TULP4: variants seen among roughly 807,000 people sequenced by gnomAD.
TULP4 encodes the protein TUB like protein 4, also known as tubby-related protein 4.
A neutral mutation model predicts 129.0 loss-of-function variants in TULP4; 16 were observed. The ratio of observed to expected loss-of-function variants is 0.12; its 90% CI spans 0.08 to 0.19. The LOEUF (loss-of-function observed/expected upper bound fraction) is 0.19. Ranked by LOEUF, TULP4 falls within the 10% of genes least tolerant of loss-of-function variation. The pLI is 1.00. For synonymous variants in TULP4, 998 were observed against 854.0 expected (o/e 1.17, Z -2.94); for missense variants, 1,842 against 2,059.1 (o/e 0.89, Z 2.04).
chr6:158,347,839 T>G (rs940671639), intron 1 of TULP4, among the ~76,000 whole-genome samples: 1 of 152,224 alleles, frequency 6.6e-6, no homozygotes, highest in South Asian at 2.1e-4. Context: ...GATTTTTTTT[T>G]CTGAAATAAC....
At chr6:158,412,283 C>A (rs983983728) in intron 1 of TULP4, among the ~76,000 whole-genome samples, 10 of 152,164 alleles carry the variant, frequency 6.6e-5, no homozygotes, top group African/African-American at 2.2e-4. Flanking sequence ...TGAGCCCTGC[C>A]GTGTTGGTTT....
Position 158,461,723 on chromosome 6 carries a change from C to A in TULP4, c.1020C>A (p.Leu340=), listed in dbSNP as rs147584372. Residue 340 remains leucine, a synonymous_variant, in exon 6 of 14, where the codon CTC becomes CTA. Coordinates refer to ENST00000367097, the MANE Select transcript of TULP4 (RefSeq NM_020245.5). The stretch of plus-strand genomic sequence containing the variant: ...AGCACATCTTCACACTGGACACTCT[C>A]GTGCAGGTAAGGATGTTCTCTGGAA... ...RGEHIFTLDT[L]VQRPIISICW... is the part of the protein sequence containing the mutation. 1 of 1,613,884 alleles carries A rather than the reference C, an allele frequency of 6.2e-7. No individual in the cohort carries two copies. The highest frequency in any genetic ancestry group is 1.1e-5 in the South Asian group (1 of 91,012).
intron 1 of TULP4, among the ~76,000 whole-genome samples, chr6:158,319,203 C>G (rs548174370): frequency 8.5e-4 from 129 of 152,244 alleles, no homozygotes; most frequent in African/African-American, 2.8e-3. Context: ...CTGCCCAGAC[C>G]TGTGGGTGGC....
At chr6:158,252,478 C>T (rs1392449915) in intron 1 of TULP4, among the ~76,000 whole-genome samples, 3 of 152,056 alleles carry the variant, frequency 2.0e-5, no homozygotes, top group Admixed American at 6.6e-5. Flanking sequence ...TGGGTTCAAG[C>T]GATTCTCCTG....
rs762684227 is a variant in TULP4 at position 158,461,617 on chromosome 6, A to T, written c.914A>T (p.Glu305Val). The T allele has an allele frequency of 3.7e-6, 6 of 1,613,914 alleles. No individual in the cohort carries two copies. The highest frequency in any genetic ancestry group is 5.1e-6 in the Non-Finnish European group (6 of 1,179,976). ...QGDLLAVAGM[E>V]RQTQLGELPN... ...GACTTGCTGGCAGTCGCTGGGATGG[A>T]ACGGCAGACCCAGCTTGGTGAGCTT... Residue 305 changes from glutamate to valine, a missense_variant, in exon 6 of 14, where the codon GAA (glutamate) becomes GTA (valine). Physicochemically the swap from Glu to Val is moderately radical, Grantham distance 121 (BLOSUM62 -2). This residue lies in a region of TULP4 where 456 missense variants were observed against 534.3 expected (regional missense o/e 0.85). Coordinates refer to ENST00000367097, the MANE Select transcript of TULP4 (RefSeq NM_020245.5).
Position 158,477,272 on chromosome 6 carries a change from A to G in TULP4, c.1027-2479A>G, listed in dbSNP as rs16900829. ...CAACTGTTATACAGAGATAGTTACT[A>G]TGAAAAGCAGAACTAGGAGGGAGGA... On this transcript the variant is annotated intron_variant, in intron 6 of 13. Coordinates refer to ENST00000367097, the MANE Select transcript of TULP4 (RefSeq NM_020245.5). Among the ~76,000 whole-genome samples the G allele has an allele frequency of 0.018, 2,716 of 152,320 alleles. 118 individuals are homozygous for G. The East Asian group carries it at 0.19, about 11-fold the overall frequency.
At chr6:158,365,489 GTTT>G (rs1272173640) in intron 1 of TULP4, among the ~76,000 whole-genome samples, 1 of 61,312 alleles carries the variant, frequency 1.6e-5, no homozygotes, top group Non-Finnish European at 3.4e-5. Context: ...TTTTTTTTTT[GTTT>G]TTGAGACAGA....
intron 1 of TULP4, among the ~76,000 whole-genome samples, chr6:158,297,915 C>G (rs1436951882): frequency 6.6e-6 from 1 of 152,078 alleles, no homozygotes; most frequent in East Asian, 1.9e-4. Context: ...CTGTAGGAGA[C>G]CAGGGCGTAT....
intron 3 of TULP4, among the ~76,000 whole-genome samples, chr6:158,443,272 G>A (rs767629925): frequency 2.0e-4 from 31 of 151,832 alleles, no homozygotes; most frequent in Admixed American, 1.2e-3. Context: ...GTGAGCCACC[G>A]CACCCAGCCA....
chr6:158,323,359 TG>T (rs1194880280), intron 1 of TULP4, among the ~76,000 whole-genome samples: 1 of 152,240 alleles, frequency 6.6e-6, no homozygotes, highest in Non-Finnish European at 1.5e-5. Context: ...TGACTGTTTC[TG>T]TGCTTAATGT....
At chr6:158,469,288 T>C (rs1358222173) in intron 6 of TULP4, among the ~76,000 whole-genome samples, 2 of 151,424 alleles carry the variant, frequency 1.3e-5, no homozygotes, top group East Asian at 1.9e-4. Flanking sequence ...TTTTTTTTTT[T>C]CTCGAGACAG....
At chr6:158,501,193 T>A (rs1244745287) in intron 12 of TULP4, among the ~76,000 whole-genome samples, 1 of 152,220 alleles carries the variant, frequency 6.6e-6, no homozygotes, top group African/African-American at 2.4e-5. Flanking sequence ...CTAATGTGCA[T>A]ACATTTCTTA....
chr6:158,496,110 C>CTCT (rs1780331748), intron 11 of TULP4, among the ~76,000 whole-genome samples: 2 of 152,316 alleles, frequency 1.3e-5, no homozygotes, highest in South Asian at 4.1e-4. Flanking sequence ...GAGCAACTTC[C>CTCT]TTCTGTTGGG....
chr6:158,444,802 T>C (rs1778995592), intron 3 of TULP4, among the ~76,000 whole-genome samples: 1 of 152,180 alleles, frequency 6.6e-6, no homozygotes, highest in South Asian at 2.1e-4. Flanking sequence ...TGGATATCAT[T>C]ATTGCATTGC....
At chr6:158,403,302 C>T (rs1318864466) in intron 1 of TULP4, among the ~76,000 whole-genome samples, 3 of 152,116 alleles carry the variant, frequency 2.0e-5, no homozygotes, top group Non-Finnish European at 2.9e-5. Flanking sequence ...AGGATAAGTT[C>T]CTTGTGGTGG....
At chr6:158,253,256 C>T (rs1778177559) in intron 1 of TULP4, among the ~76,000 whole-genome samples, 1 of 152,182 alleles carries the variant, frequency 6.6e-6, no homozygotes, top group Admixed American at 6.5e-5. Context: ...GAATGTATTC[C>T]TATACATCAC....
intron 1 of TULP4, among the ~76,000 whole-genome samples, chr6:158,370,012 G>A (rs899756681): frequency 1.3e-5 from 2 of 151,354 alleles, no homozygotes; most frequent in Non-Finnish European, 2.9e-5. Context: ...CTCAAACTAG[G>A]GCAGCATGGA....
intron 7 of TULP4, 100 bp downstream of exon 7, chr6:158,480,075 G>A: frequency 2.2e-6 from 2 of 920,890 alleles, no homozygotes; most frequent in Non-Finnish European, 3.3e-6. Context: ...TGAGCACATG[G>A]GGCCATGTGC....
intron 1 of TULP4, among the ~76,000 whole-genome samples, chr6:158,320,866 C>T (rs1231786812): frequency 6.6e-6 from 1 of 152,168 alleles, no homozygotes; most frequent in Non-Finnish European, 1.5e-5. Flanking sequence ...CTCCGATATG[C>T]TTTCTCTGAC....
Sources: gnomAD v4.1 joint callset for allele counts (sites outside exome capture counted in the v4.1 genomes callset) on GRCh38, gnomAD v4.1.1 for gene constraint, gnomAD v4.1.1 regional missense constraint, MANE v1.5 for transcripts, NCBI Gene and HGNC (gene_info 2026-07-23, HGNC 2026-07-21) for gene names.